Variants in ZBTB20 observed in about 807,000 individuals in gnomAD.
ZBTB20 encodes zinc finger and BTB domain containing 20, also known as zinc finger and BTB domain-containing protein 20.
A neutral mutation model predicts 56.9 loss-of-function variants in ZBTB20; 9 were observed. That is an observed-to-expected ratio of 0.16 (90% CI 0.10 to 0.28). The LOEUF (loss-of-function observed/expected upper bound fraction) is 0.28. Among genes scored for constraint, ZBTB20 ranks in the 10% least tolerant of loss-of-function variants. ZBTB20 has a pLI of 1.00. For missense variants in ZBTB20, 655 were observed against 1,003.0 expected, an observed-to-expected ratio of 0.65 and a Z score of 4.69; for synonymous variants, 417 against 420.7, an observed-to-expected ratio of 0.99 and a Z score of 0.11.
At chr3:114,595,859 T>C (rs954762931) in intron 6 of ZBTB20, among the ~76,000 whole-genome samples, 1 of 152,188 alleles carries the variant, frequency 6.6e-6, no homozygotes, top group East Asian at 1.9e-4. Flanking sequence ...ATAACAAACA[T>C]GTTGCTGTAA....
chr3:114,705,179 A>T (rs2063639438), intron 5 of ZBTB20, among the ~76,000 whole-genome samples: 1 of 152,182 alleles, frequency 6.6e-6, no homozygotes, highest in African/African-American at 2.4e-5. Flanking sequence ...ATATTTGTAT[A>T]TAATACTAAC....
At chr3:114,696,347 C>CA (rs1253036586) in intron 5 of ZBTB20, among the ~76,000 whole-genome samples, 3 of 151,996 alleles carry the variant, frequency 2.0e-5, no homozygotes, top group Non-Finnish European at 4.4e-5. Flanking sequence ...ACAAGGAGAT[C>CA]AAGCGCTTCA....
chr3:114,681,735 T>C (rs1183162504), intron 6 of ZBTB20, among the ~76,000 whole-genome samples: 1 of 152,194 alleles, frequency 6.6e-6, no homozygotes, highest in African/African-American at 2.4e-5. Flanking sequence ...AACAATCTTT[T>C]GGAAGTGAGT....
chr3:114,414,956 C>A (rs1027771705), intron 7 of ZBTB20, among the ~76,000 whole-genome samples: 5 of 151,538 alleles, frequency 3.3e-5, no homozygotes, highest in Non-Finnish European at 5.9e-5. Flanking sequence ...CCCCCCCGCA[C>A]CCACCCAGGA....
chr3:114,760,466 G>A (rs1179242533), intron 5 of ZBTB20, among the ~76,000 whole-genome samples: 1 of 152,162 alleles, frequency 6.6e-6, no homozygotes. Flanking sequence ...TACCAGTGGT[G>A]AGAAGAACAT....
intron 5 of ZBTB20, among the ~76,000 whole-genome samples, chr3:114,770,596 T>C (rs1036452160): frequency 6.6e-6 from 1 of 152,236 alleles, no homozygotes; most frequent in African/African-American, 2.4e-5. Flanking sequence ...TGGGCAACTT[T>C]TGGTTGTCAA....
At position 114,333,360 on chromosome 3, in the gene ZBTB20, T is replaced by C. The variant is rs1398036183; in HGVS notation, c.*5645A>G. On this transcript the variant is annotated 3_prime_UTR_variant, in exon 12 of 12. Coordinates refer to ENST00000675478, the MANE Select transcript of ZBTB20 (RefSeq NM_001348800.3). Reference sequence around the variant, plus strand: ...TCTGTATGTAGCCTGAGCACCAGGGTAGAGATTGCTTTTGAAAGTTTGCCC... The same window carrying C: ...TCTGTATGTAGCCTGAGCACCAGGGCAGAGATTGCTTTTGAAAGTTTGCCC... The C allele has an allele frequency of 6.6e-6, 1 of 152,160 alleles. No homozygotes were observed. The highest frequency in any genetic ancestry group is 1.5e-5 in the Non-Finnish European group (1 of 68,032). 9.4% of individuals were successfully genotyped at this position (152,160 alleles called of 1,614,324 possible).
chr3:114,940,901 T>C lies in ZBTB20; in HGVS notation c.-456+33465A>G, dbSNP rs183382961. Among the ~76,000 whole-genome samples the C allele has an allele frequency of 2.8e-3, 415 of 146,362 alleles. 82 individuals are homozygous for C. Among genetic ancestry groups the C allele is most frequent in the African/African-American group, 0.011 (408 of 36,116 alleles). ...CTATTCTTAATAAGATGGAATCCTT[T>C]CCCGGTTTGTTAAATTCACTGAATT... is the stretch of plus-strand genomic sequence containing the variant. On this transcript the variant is annotated intron_variant, in intron 3 of 11. Coordinates refer to ENST00000675478, the MANE Select transcript of ZBTB20 (RefSeq NM_001348800.3).
At chr3:114,514,971 T>C (rs1425853838) in intron 6 of ZBTB20, among the ~76,000 whole-genome samples, 2 of 152,310 alleles carry the variant, frequency 1.3e-5, no homozygotes, top group Non-Finnish European at 2.9e-5. Context: ...CTTACATTCT[T>C]TTCCTAAGGA....
At chr3:114,341,860 C>T (rs1178362961) in intron 11 of ZBTB20, among the ~76,000 whole-genome samples, 4 of 152,224 alleles carry the variant, frequency 2.6e-5, no homozygotes, top group Non-Finnish European at 4.4e-5. Context: ...CCCCTGAGGA[C>T]TCTAGTCCTG....
intron 4 of ZBTB20, among the ~76,000 whole-genome samples, chr3:114,811,712 C>G (rs2072524896): frequency 6.6e-6 from 1 of 152,100 alleles, no homozygotes; most frequent in Non-Finnish European, 1.5e-5. Flanking sequence ...ATCTAGGAAC[C>G]CGTAATAGTA....
intron 7 of ZBTB20, among the ~76,000 whole-genome samples, chr3:114,460,299 C>A (rs191052658): frequency 3.2e-4 from 49 of 152,170 alleles, no homozygotes; most frequent in South Asian, 1.5e-3. Context: ...ATGGCCCCCC[C>A]CAAAAGATAT....
chr3:114,429,974 T>G (rs1245813909), intron 7 of ZBTB20, among the ~76,000 whole-genome samples: 1 of 152,050 alleles, frequency 6.6e-6, no homozygotes, highest in Non-Finnish European at 1.5e-5. Context: ...GCCCTGCTGA[T>G]TGGATATCAA....
At chr3:114,472,207 G>A (rs2040210371) in intron 7 of ZBTB20, among the ~76,000 whole-genome samples, 1 of 152,194 alleles carries the variant, frequency 6.6e-6, no homozygotes, top group Admixed American at 6.5e-5. Context: ...AAGCTGAGCA[G>A]AATTCCCTAC....
At chr3:114,423,342 A>G (rs549857064) in intron 7 of ZBTB20, among the ~76,000 whole-genome samples, 1 of 152,362 alleles carries the variant, frequency 6.6e-6, no homozygotes, top group Non-Finnish European at 1.5e-5. Flanking sequence ...TAAGCATAAA[A>G]TGTGCTTTAC....
At chr3:114,573,193 C>G (rs2053620235) in intron 6 of ZBTB20, among the ~76,000 whole-genome samples, 2 of 152,134 alleles carry the variant, frequency 1.3e-5, no homozygotes, top group Non-Finnish European at 2.9e-5. Flanking sequence ...GGCATAGTGG[C>G]TCACGCCTGT....
At chr3:114,483,254 T>TC (rs1180154656) in intron 7 of ZBTB20, among the ~76,000 whole-genome samples, 1 of 152,172 alleles carries the variant, frequency 6.6e-6, no homozygotes, top group Non-Finnish European at 1.5e-5. Context: ...AATGATGTCT[T>TC]CCTCATATCT....
intron 6 of ZBTB20, among the ~76,000 whole-genome samples, chr3:114,682,502 A>G (rs2062040044): frequency 6.6e-6 from 1 of 152,076 alleles, no homozygotes; most frequent in African/African-American, 2.4e-5. Flanking sequence ...TAGAATTCGC[A>G]CTCTTCATCT....
chr3:115,041,880 G>A (rs2081158303), intron 2 of ZBTB20, among the ~76,000 whole-genome samples: 2 of 152,122 alleles, frequency 1.3e-5, no homozygotes, highest in South Asian at 4.1e-4. Flanking sequence ...GTCTACCTCT[G>A]TCTATTTCCT....
Sources: allele counts gnomAD v4.1 joint callset (sites outside exome capture counted in the v4.1 genomes callset), GRCh38; gene constraint gnomAD v4.1.1; transcripts MANE v1.5; gene names NCBI Gene and HGNC (gene_info 2026-07-23, HGNC 2026-07-21).